RYR3: variants seen among roughly 807,000 people sequenced by gnomAD.
The protein encoded by RYR3 is ryanodine receptor 3, also known as brain ryanodine receptor-calcium release channel.
Under a neutral mutation model 584.3 loss-of-function variants are expected in RYR3, and 207 were observed. The observed-to-expected ratio is 0.35, with a 90% CI of 0.32 to 0.40. RYR3 has a LOEUF of 0.40. Among genes scored for constraint, RYR3 ranks in the 10% least tolerant of loss-of-function variants. RYR3 has a pLI of 1.00. For synonymous variants in RYR3, 2,416 were observed against 2,248.5 expected (o/e 1.07, Z -2.11); for missense variants, 5,616 against 6,089.2 (o/e 0.92, Z 2.59).
intron 1 of RYR3, among the ~76,000 whole-genome samples, chr15:33,344,238 T>G (rs1052794535): frequency 6.6e-6 from 1 of 152,216 alleles, no homozygotes; most frequent in African/African-American, 2.4e-5. Flanking sequence ...TCTTGCTGAC[T>G]TCATTAAAGA....
At chr15:33,696,050 CT>C (rs1250102580) in intron 38 of RYR3, among the ~76,000 whole-genome samples, 167 bp from the exon 39 acceptor site, 2 of 150,736 alleles carry the variant, frequency 1.3e-5, no homozygotes, top group African/African-American at 4.9e-5. Flanking sequence ...CAGCCTCAGC[CT>C]CCCAAATTGC....
chr15:33,675,294 A>T (rs1372345487), intron 38 of RYR3, among the ~76,000 whole-genome samples: 1 of 152,268 alleles, frequency 6.6e-6, no homozygotes, highest in African/African-American at 2.4e-5. Flanking sequence ...TCTGTAATAC[A>T]CAATTCTATT....
At chr15:33,580,544 A>T (rs140613543) in intron 13 of RYR3, among the ~76,000 whole-genome samples, 1 of 152,352 alleles carries the variant, frequency 6.6e-6, no homozygotes, top group Non-Finnish European at 1.5e-5. Flanking sequence ...GGTTTAAAAG[A>T]CACAGAAGAC....
At chr15:33,744,888 T>C (rs2152840893) in intron 52 of RYR3, among the ~76,000 whole-genome samples, 1 of 152,322 alleles carries the variant, frequency 6.6e-6, no homozygotes, top group African/African-American at 2.4e-5. Flanking sequence ...CAGCTTGCTG[T>C]TGGAAACATT....
intron 48 of RYR3, among the ~76,000 whole-genome samples, chr15:33,732,987 T>C (rs531240640): frequency 6.6e-6 from 1 of 152,310 alleles, no homozygotes; most frequent in South Asian, 2.1e-4. Context: ...AAAAAACTCA[T>C]CGGTCCTCAC....
chr15:33,609,240 C>T (rs1015520501), intron 18 of RYR3, among the ~76,000 whole-genome samples: 2 of 152,232 alleles, frequency 1.3e-5, no homozygotes, highest in African/African-American at 4.8e-5. Context: ...TCAATTATTT[C>T]CTGGTCTTCC....
rs74005974 is a variant in RYR3 at position 33,728,885 on chromosome 15, G to A, written c.7062G>A (p.Ala2354=). 6,833 of 1,612,640 alleles carry A rather than the reference G, an allele frequency of 4.2e-3. 64 individuals are homozygous for A. Among genetic ancestry groups the A allele is most frequent in the African/African-American group, 0.033 (2,498 of 74,982 alleles). ...KDGSVSEPDM[A]ANFCPDHKAP... ...GGTCGGTCAGTGAGCCAGATATGGC[G>A]GCCAATTTCTGCCCTGACCACAAGG... Residue 2354 remains alanine, a synonymous_variant, in exon 47 of 104, where the codon GCG becomes GCA. Transcript: ENST00000634891.
At chr15:33,864,082 G>GGGAATGAACTTGGGTCTTGA in intron 102 of RYR3, 56 bp from the exon 103 acceptor site, 2 of 1,303,520 alleles carry the variant, frequency 1.5e-6, no homozygotes, top group Non-Finnish European at 2.2e-6. Context: ...GTTAATCCAT[G>GGGAATGAACTTGGGTCTTGA]CGAATGAACT....
At chr15:33,601,773 A>G (rs564992391) in intron 17 of RYR3, among the ~76,000 whole-genome samples, 11 of 152,370 alleles carry the variant, frequency 7.2e-5, no homozygotes, top group Admixed American at 7.2e-4. Flanking sequence ...GTAGCTGAGG[A>G]TAGAGTATGT....
chr15:33,661,464 A>C (rs2063157128), intron 34 of RYR3, among the ~76,000 whole-genome samples: 1 of 152,184 alleles, frequency 6.6e-6, no homozygotes, highest in Admixed American at 6.5e-5. Context: ...ACTTTATACA[A>C]ATGATACAGA....
At chr15:33,650,396 A>G (rs529148137) in intron 31 of RYR3, among the ~76,000 whole-genome samples, 1 of 152,132 alleles carries the variant, frequency 6.6e-6, no homozygotes, top group Non-Finnish European at 1.5e-5. Flanking sequence ...AAAATAAAAA[A>G]ATAAGTGCTG....
chr15:33,503,053 C>G (rs2052139806), intron 2 of RYR3, among the ~76,000 whole-genome samples: 1 of 152,164 alleles, frequency 6.6e-6, no homozygotes, highest in African/African-American at 2.4e-5. Flanking sequence ...TTAACTGATT[C>G]TAATAAATTG....
intron 19 of RYR3, among the ~76,000 whole-genome samples, chr15:33,616,531 C>T (rs910840321): frequency 1.3e-5 from 2 of 152,110 alleles, no homozygotes; most frequent in African/African-American, 4.8e-5. Context: ...AAAGGAGAAG[C>T]AAAGTTGCAA....
At position 33,772,037 on chromosome 15, in the gene RYR3, T is replaced by C; in HGVS notation, c.8934T>C (p.His2978=). The C allele has an allele frequency of 6.2e-7, 1 of 1,613,700 alleles. No individual in the cohort carries two copies. Among genetic ancestry groups the C allele is most frequent in the East Asian group, 2.2e-5 (1 of 44,868 alleles). The part of the protein sequence containing the change: ...SENLKLGKFT[H]SRTQIKGVSQ... ...ACCTGAAACTTGGGAAGTTCACCCA[T>C]TCCCGAACGCAGATTAAAGGCGTTT... is the stretch of plus-strand genomic sequence containing the variant. Residue 2978 remains histidine, a synonymous_variant, in exon 63 of 104, where the codon CAT becomes CAC. Coordinates refer to ENST00000634891, the MANE Select transcript of RYR3 (RefSeq NM_001036.6).
intron 1 of RYR3, among the ~76,000 whole-genome samples, chr15:33,322,269 C>T (rs1415174768): frequency 1.3e-5 from 2 of 152,148 alleles, no homozygotes; most frequent in African/African-American, 2.4e-5. Context: ...GGCATCTGCT[C>T]GGCTTCTGGG....
intron 50 of RYR3, among the ~76,000 whole-genome samples, chr15:33,739,110 G>A (rs945956986): frequency 6.6e-6 from 1 of 152,144 alleles, no homozygotes; most frequent in South Asian, 2.1e-4. Context: ...TTACTTGAAC[G>A]GTGTGATTGA....
intron 1 of RYR3, among the ~76,000 whole-genome samples, chr15:33,370,576 A>T (rs1219185185): frequency 1.3e-5 from 2 of 152,204 alleles, no homozygotes; most frequent in Non-Finnish European, 2.9e-5. Flanking sequence ...GCCCAGATAC[A>T]AAGTAAACGT....
chr15:33,743,683 G>A (rs530547128), intron 52 of RYR3, among the ~76,000 whole-genome samples: 8 of 152,122 alleles, frequency 5.3e-5, no homozygotes, highest in East Asian at 1.9e-4. Flanking sequence ...TTGAACTCCC[G>A]AGTCTCTCTT....
chr15:33,857,699 C>G, intron 98 of RYR3, 81 bp from the exon 99 acceptor site: 1 of 1,554,448 alleles, frequency 6.4e-7, no homozygotes, highest in Middle Eastern at 1.7e-4. Context: ...TCTTCCTCCT[C>G]GTTTTCTTAG....
Sources: allele counts gnomAD v4.1 joint callset (sites outside exome capture counted in the v4.1 genomes callset), GRCh38; gene constraint gnomAD v4.1.1; transcripts MANE v1.5; gene names NCBI Gene and HGNC (gene_info 2026-07-23, HGNC 2026-07-21).